GASK1B: variants seen among roughly 807,000 people sequenced by gnomAD.
GASK1B encodes the protein Golgi-associated kinase 1B.
GASK1B carries 34 observed loss-of-function variants against 42.8 expected under a neutral mutation model. The ratio of observed to expected loss-of-function variants is 0.79; its 90% CI spans 0.60 to 1.06. GASK1B has a LOEUF of 1.06. GASK1B is among the 50% of genes least tolerant of loss of function. The pLI, the probability that GASK1B is intolerant of heterozygous loss-of-function variation, is 0.00. For synonymous variants in GASK1B, 262 were observed against 259.1 expected (o/e 1.01, Z -0.11); for missense variants, 686 against 661.0 (o/e 1.04, Z -0.42).
At chr4:158,160,552 G>A (rs1396107368) in intron 2 of GASK1B, among the ~76,000 whole-genome samples, 1 of 152,034 alleles carries the variant, frequency 6.6e-6, no homozygotes, top group Non-Finnish European at 1.5e-5. Flanking sequence ...AAGTTTCTCA[G>A]GAAACTAAAA....
intron 3 of GASK1B, among the ~76,000 whole-genome samples, chr4:158,139,966 A>T (rs1197240448): frequency 1.3e-5 from 2 of 152,218 alleles, no homozygotes; most frequent in East Asian, 3.8e-4. Flanking sequence ...GATTTTTAAA[A>T]ATTAATAGAT....
chr4:158,161,983 C>T (rs1385091667), intron 2 of GASK1B, among the ~76,000 whole-genome samples: 3 of 152,188 alleles, frequency 2.0e-5, no homozygotes, highest in Non-Finnish European at 4.4e-5. Context: ...GCTTAACTCA[C>T]ATCGTGCCCC....
Position 158,155,672 on chromosome 4 carries a change from C to T in GASK1B, c.1064G>A (p.Gly355Asp). Residue 355 changes from glycine (G) to aspartate (D), a missense_variant, in exon 3 of 5, where the codon GGT becomes GAT. Physicochemically the swap from Gly to Asp is moderately conservative, Grantham distance 94. Transcript: ENST00000585682. ...QNGRVPKPESGCTEIHHHEWS... is the reference protein window; with the variant it reads ...QNGRVPKPESDCTEIHHHEWS... ...CTCATGATGATGTATTTCAGTACAA[C>T]CCGATTCAGGCTTGGGTACTCGGCC... 2.5e-6 allele frequency: 4 copies of T among 1,613,908 alleles called. No homozygotes were observed. Among genetic ancestry groups the T allele is most frequent in the Non-Finnish European group, 2.5e-6 (3 of 1,179,836 alleles).
rs1393466950 is a variant in GASK1B, at chr4:158,126,533, TA to T, written c.*873del. ...ATTTTAAGGAATTCACTATTATTAA[TA>T]AAATATACATAAATTATATTACATT... On this transcript the variant is annotated 3_prime_UTR_variant, in exon 5 of 5. Transcript: ENST00000585682. The T allele has an allele frequency of 6.6e-6, 1 of 152,090 alleles. No individual in the cohort carries two copies. Among genetic ancestry groups the T allele is most frequent in the African/African-American group, 2.4e-5 (1 of 41,442 alleles). 9.4% of individuals were successfully genotyped at this position (152,090 alleles called of 1,614,324 possible).
At position 158,171,248 on chromosome 4, in the gene GASK1B, G is replaced by C. The variant is rs1316249351; in HGVS notation, c.128C>G (p.Ala43Gly). 3 of 1,613,896 alleles carry C rather than the reference G, an allele frequency of 1.9e-6. No individual in the cohort carries two copies. The highest frequency in any genetic ancestry group is 2.5e-6 in the Non-Finnish European group (3 of 1,180,002). Reference sequence around the variant, plus strand: ...CAGGAAGCCCAAGTAGATGGCACACGCAGTGCCCAGCAGAAGGTTTCTCCG... The same window carrying C: ...CAGGAAGCCCAAGTAGATGGCACACCCAGTGCCCAGCAGAAGGTTTCTCCG... The part of the protein sequence containing the change: ...RTRRNLLLGT[A>G]CAIYLGFLVS... The change falls in exon 2 of 5, where the codon GCG (alanine) becomes GGG (glycine). Residue 43 changes from alanine (A) to glycine (G), a missense_variant. Coordinates refer to ENST00000585682, the MANE Select transcript of GASK1B (RefSeq NM_001128424.2).
chr4:158,135,765 C>T (rs564328915), intron 3 of GASK1B, among the ~76,000 whole-genome samples: 113 of 152,076 alleles, frequency 7.4e-4, no homozygotes, highest in Non-Finnish European at 1.2e-3. Context: ...ATAAAGGTTT[C>T]GTCAGAAATA....
chr4:158,128,868 T>C (rs529569637), intron 4 of GASK1B, among the ~76,000 whole-genome samples: 1 of 152,380 alleles, frequency 6.6e-6, no homozygotes, highest in Admixed American at 6.5e-5. Flanking sequence ...TTAGGGGCTC[T>C]AGTATTAAGT....
intron 3 of GASK1B, among the ~76,000 whole-genome samples, chr4:158,154,258 T>C (rs570598896): frequency 1.3e-5 from 2 of 150,998 alleles, no homozygotes; most frequent in East Asian, 3.9e-4. Context: ...TCAACAAACA[T>C]ATGAAAAAAT....
Position 158,127,350 on chromosome 4 carries a change from A to G in GASK1B, c.*57T>C. Reference sequence around the variant, plus strand: ...GCTTGAGGTTGATGTGCTTGATTTAAAAACAAAACCAAAAATGCATAAATA... The same window carrying G: ...GCTTGAGGTTGATGTGCTTGATTTAGAAACAAAACCAAAAATGCATAAATA... On this transcript the variant is annotated 3_prime_UTR_variant, in exon 5 of 5. Coordinates refer to ENST00000585682, the MANE Select transcript of GASK1B (RefSeq NM_001128424.2). 6.6e-7 allele frequency: 1 copy of G among 1,505,056 alleles called. No individual in the cohort carries two copies. The highest frequency in any genetic ancestry group is 9.1e-7 in the Non-Finnish European group (1 of 1,097,614). The allele number at this position is 1,505,056 out of a possible 1,614,324, so 93.2% of individuals were successfully genotyped here.
At chr4:158,135,595 T>C (rs959250816) in intron 3 of GASK1B, among the ~76,000 whole-genome samples, 1 of 151,378 alleles carries the variant, frequency 6.6e-6, no homozygotes, top group Non-Finnish European at 1.5e-5. Flanking sequence ...AACTCTTAAA[T>C]GACACAACTC....
chr4:158,156,562 AT>A (rs1323727223), intron 2 of GASK1B, among the ~76,000 whole-genome samples: 1 of 152,124 alleles, frequency 6.6e-6, no homozygotes, highest in Non-Finnish European at 1.5e-5. Context: ...TAGAAATGTA[AT>A]TTCTTTAATT....
At chr4:158,172,560 T>C (rs1218362376) in intron 1 of GASK1B, 1 of 152,204 alleles carries the variant, frequency 6.6e-6, no homozygotes, top group Non-Finnish European at 1.5e-5. Flanking sequence ...ACAAAGCTTT[T>C]AAAAACAATA....
At chr4:158,143,340 T>C (rs1471961117) in intron 3 of GASK1B, among the ~76,000 whole-genome samples, 3 of 152,214 alleles carry the variant, frequency 2.0e-5, no homozygotes, top group East Asian at 1.9e-4. Flanking sequence ...TTTTTAATGT[T>C]CTAAAAATTT....
At chr4:158,170,217 G>C (rs576932247) in intron 2 of GASK1B, 1 of 1,607,624 alleles carries the variant, frequency 6.2e-7, no homozygotes, top group South Asian at 1.1e-5. Context: ...GAGGGAAATG[G>C]AGAGCAAAGA....
intron 2 of GASK1B, among the ~76,000 whole-genome samples, chr4:158,166,724 G>A (rs1732243521): frequency 6.6e-6 from 1 of 151,592 alleles, no homozygotes; most frequent in Non-Finnish European, 1.5e-5. Context: ...TCTCCTTGAG[G>A]AAAAAAAGGA....
chr4:158,146,709 A>G (rs992666452), intron 3 of GASK1B, among the ~76,000 whole-genome samples: 5 of 152,180 alleles, frequency 3.3e-5, no homozygotes, highest in African/African-American at 1.2e-4. Flanking sequence ...CAGTGACACA[A>G]TACAGTGTCT....
At chr4:158,138,601 G>A (rs1437777427) in intron 3 of GASK1B, among the ~76,000 whole-genome samples, 1 of 151,836 alleles carries the variant, frequency 6.6e-6, no homozygotes, top group Non-Finnish European at 1.5e-5. Flanking sequence ...AACTTGATGT[G>A]TATTACTTTT....
At chr4:158,136,741 T>A (rs1340069668) in intron 3 of GASK1B, among the ~76,000 whole-genome samples, 1 of 152,186 alleles carries the variant, frequency 6.6e-6, no homozygotes, top group African/African-American at 2.4e-5. Flanking sequence ...ATCCTCACCA[T>A]CTCTTTTCAA....
At position 158,127,629 on chromosome 4, in the gene GASK1B, T is replaced by G. The variant is rs769843062; in HGVS notation, c.1353-15A>C. The G allele has an allele frequency of 4.4e-6, 7 of 1,607,986 alleles. No individual in the cohort carries two copies. Among genetic ancestry groups the G allele is most frequent in the Non-Finnish European group, 5.9e-6 (7 of 1,177,140 alleles). The stretch of plus-strand genomic sequence containing the variant: ...AAGCTGGAAACCTGAAAAGATAAAA[T>G]GATATTTCAATCTTAGTAATTGCTT... On this transcript the variant is annotated splice_polypyrimidine_tract_variant and intron_variant, in intron 4 of 4. Transcript: ENST00000585682.
Sources: gnomAD v4.1 joint callset for allele counts (sites outside exome capture counted in the v4.1 genomes callset) on GRCh38, gnomAD v4.1.1 for gene constraint, MANE v1.5 for transcripts, NCBI Gene and HGNC (gene_info 2026-07-23, HGNC 2026-07-21) for gene names.